The following APBA2 variants were observed in gnomAD, a reference collection of about 807,000 sequenced individuals.
APBA2 encodes the protein amyloid-beta A4 precursor protein-binding family A member 2.
In APBA2, 30 loss-of-function variants were observed where a neutral mutation model predicts 75.0. The ratio of observed to expected loss-of-function variants is 0.40; its 90% CI spans 0.30 to 0.54. The LOEUF (loss-of-function observed/expected upper bound fraction) is 0.54, where lower values mean the gene tolerates loss of function less well. Ranked by LOEUF, APBA2 falls within the 20% of genes least tolerant of loss-of-function variation. APBA2 has a pLI of 0.49. For synonymous variants in APBA2, 444 were observed against 409.6 expected, an observed-to-expected ratio of 1.08 and a Z score of -1.01; for missense variants, 801 against 1,016.1, an observed-to-expected ratio of 0.79 and a Z score of 2.88.
intron 3 of APBA2, among the ~76,000 whole-genome samples, chr15:29,050,528 G>T (rs1210509347): frequency 6.6e-6 from 1 of 152,144 alleles, no homozygotes; most frequent in African/African-American, 2.4e-5. Context: ...TCATCTGAAG[G>T]CTTGGAGAGC....
intron 3 of APBA2, among the ~76,000 whole-genome samples, chr15:29,043,566 A>C (rs1287927305): frequency 6.6e-6 from 1 of 152,238 alleles, no homozygotes; most frequent in Non-Finnish European, 1.5e-5. Flanking sequence ...TAACGTCTTA[A>C]TGCATTTCTT....
At chr15:28,956,346 T>C (rs891254638) in intron 2 of APBA2, among the ~76,000 whole-genome samples, 14 of 150,974 alleles carry the variant, frequency 9.3e-5, no homozygotes, top group South Asian at 4.2e-4. Context: ...ACAGATGGGG[T>C]GGGGTCCCAA....
intron 2 of APBA2, among the ~76,000 whole-genome samples, chr15:28,951,487 C>G (rs2035868971): frequency 6.6e-6 from 1 of 152,222 alleles, no homozygotes; most frequent in Admixed American, 6.5e-5. Context: ...TTCTTCTTGT[C>G]ACCGAGGTAC....
intron 3 of APBA2, among the ~76,000 whole-genome samples, chr15:29,021,657 C>G (rs1327339914): frequency 6.6e-6 from 1 of 152,160 alleles, no homozygotes; most frequent in Non-Finnish European, 1.5e-5. Flanking sequence ...ATGAGAAACT[C>G]AACAGAAGAT....
chr15:29,116,530 A>C (rs1205436107), intron 14 of APBA2, among the ~76,000 whole-genome samples: 5 of 151,600 alleles, frequency 3.3e-5, no homozygotes, highest in Middle Eastern at 3.4e-3. Flanking sequence ...GAGGAGGCTG[A>C]GGCAGGAGAA....
At chr15:28,974,860 A>G (rs1447765765) in intron 2 of APBA2, among the ~76,000 whole-genome samples, 1 of 152,206 alleles carries the variant, frequency 6.6e-6, no homozygotes, top group African/African-American at 2.4e-5. Context: ...AAAAATAGCC[A>G]AATAAACTTA....
At chr15:29,092,880 G>T (rs1292677598) in intron 6 of APBA2, among the ~76,000 whole-genome samples, 195 bp from the exon 7 acceptor site, 1 of 152,170 alleles carries the variant, frequency 6.6e-6, no homozygotes, top group Non-Finnish European at 1.5e-5. Flanking sequence ...TTGATTTCGC[G>T]CAGTTACTTG....
intron 1 of APBA2, among the ~76,000 whole-genome samples, chr15:28,901,492 T>G (rs2032850412): frequency 6.6e-6 from 1 of 152,050 alleles, no homozygotes. Context: ...GGATTTGGGG[T>G]GGGTTTTCAG....
intron 4 of APBA2, among the ~76,000 whole-genome samples, chr15:29,057,965 C>A (rs2041974429): frequency 6.6e-6 from 1 of 152,188 alleles, no homozygotes; most frequent in South Asian, 2.1e-4. Flanking sequence ...GGATGCATTT[C>A]CATCTCATAG....
In APBA2 at chr15:29,117,120, C is replaced by T; in HGVS notation, c.2237C>T (p.Pro746Leu). 1 of 1,613,236 alleles carries T rather than the reference C, an allele frequency of 6.2e-7. No homozygotes were observed. Among genetic ancestry groups the T allele is most frequent in the Non-Finnish European group, 8.5e-7 (1 of 1,179,942 alleles). The change falls in exon 15 of 15, where the codon CCG becomes CTG. Residue 746 changes from proline (P) to leucine (L), a missense_variant. Coordinates refer to ENST00000683413, the MANE Select transcript of APBA2 (RefSeq NM_001353788.2). ...MFRLLTGQET[P>L]LYI Reference sequence around the variant, plus strand: ...AGGCTCCTCACGGGTCAGGAGACCCCGCTGTACATCTAGGCCACCCCAGCC... The same window carrying T: ...AGGCTCCTCACGGGTCAGGAGACCCTGCTGTACATCTAGGCCACCCCAGCC...
intron 2 of APBA2, among the ~76,000 whole-genome samples, chr15:28,930,980 G>C (rs11854929): frequency 0.011 from 1,689 of 152,314 alleles, 40 homozygotes; most frequent in African/African-American, 0.039. Flanking sequence ...ATGGCCTCCT[G>C]CCTCTGGATT....
intron 1 of APBA2, among the ~76,000 whole-genome samples, chr15:28,904,032 T>A (rs2033011190): frequency 6.6e-6 from 1 of 152,236 alleles, no homozygotes. Flanking sequence ...GGCAACTTCA[T>A]ATGCCTCAAC....
intron 1 of APBA2, among the ~76,000 whole-genome samples, chr15:28,911,069 T>C: frequency 6.6e-6 from 1 of 152,304 alleles, no homozygotes; most frequent in East Asian, 1.9e-4. Context: ...AAATAATGGA[T>C]TTTGTTAGAA....
chr15:29,022,503 A>G lies in APBA2; in HGVS notation c.-41+26697A>G, dbSNP rs2040002264. Among the ~76,000 whole-genome samples the G allele has an allele frequency of 2.0e-5, 3 of 151,620 alleles. No homozygotes were observed. In the South Asian group the frequency reaches 6.2e-4, roughly 31 times the overall value. Reference sequence around the variant, plus strand: ...GAAATTTATTTTTGTGAATAGCGTAACTCAGGGATATATATATAGCTTTTA... The same window carrying G: ...GAAATTTATTTTTGTGAATAGCGTAGCTCAGGGATATATATATAGCTTTTA... On this transcript the variant is annotated intron_variant, in intron 3 of 14. Transcript: ENST00000683413.
At chr15:29,108,154 C>A in intron 12 of APBA2, 116 bp from the exon 13 acceptor site, 1 of 1,478,012 alleles carries the variant, frequency 6.8e-7, no homozygotes, top group Admixed American at 1.7e-5. Flanking sequence ...CTGCCTGCCT[C>A]TCCCATTGTG....
chr15:28,892,702 A>T (rs1259456364), intron 1 of APBA2, among the ~76,000 whole-genome samples: 6 of 150,796 alleles, frequency 4.0e-5, no homozygotes, highest in Admixed American at 2.0e-4. Context: ...TATATATATA[A>T]AATTTTTTTT....
intron 2 of APBA2, among the ~76,000 whole-genome samples, chr15:28,968,198 G>C (rs1467742828): frequency 6.6e-6 from 1 of 152,230 alleles, no homozygotes; most frequent in African/African-American, 2.4e-5. Context: ...ATGGACACTT[G>C]GGTTGTTTCC....
intron 6 of APBA2, among the ~76,000 whole-genome samples, chr15:29,084,576 G>A (rs189798267): frequency 6.6e-6 from 1 of 152,188 alleles, no homozygotes; most frequent in African/African-American, 2.4e-5. Flanking sequence ...TTTCAATGCT[G>A]TTATCACAAC....
chr15:29,042,735 G>A (rs1032431320), intron 3 of APBA2, among the ~76,000 whole-genome samples: 4 of 152,086 alleles, frequency 2.6e-5, no homozygotes, highest in African/African-American at 9.7e-5. Context: ...AGGGCAACAA[G>A]CAGAAGCAGA....
Sources: allele counts gnomAD v4.1 joint callset (sites outside exome capture counted in the v4.1 genomes callset), GRCh38; gene constraint gnomAD v4.1.1; transcripts MANE v1.5; gene names NCBI Gene and HGNC (gene_info 2026-07-23, HGNC 2026-07-21).